Variants in ADK observed in about 807,000 individuals in gnomAD.
ADK encodes the protein N6,N6-dimethyladenosine kinase.
Under a neutral mutation model 44.7 loss-of-function variants are expected in ADK, and 24 were observed. The ratio of observed to expected loss-of-function variants is 0.54; its 90% confidence interval spans 0.39 to 0.76. The LOEUF is 0.76. Ranked by LOEUF, ADK falls within the 30% of genes least tolerant of loss-of-function variation. The pLI is 0.00. For missense variants in ADK, 321 were observed against 425.1 expected (o/e 0.76, Z 2.15); for synonymous variants, 128 against 142.6 (o/e 0.90, Z 0.73).
At chr10:74,170,142 GT>G (rs1200038440) in intron 1 of ADK, among the ~76,000 whole-genome samples, 1 of 152,056 alleles carries the variant, frequency 6.6e-6, no homozygotes, top group African/African-American at 2.4e-5. Flanking sequence ...TTAAATGAGG[GT>G]TTGTATTTTT....
intron 9 of ADK, among the ~76,000 whole-genome samples, chr10:74,661,893 GAAGAT>G (rs1854745599): frequency 1.3e-5 from 2 of 152,174 alleles, no homozygotes; most frequent in African/African-American, 4.8e-5. Context: ...AGCTCCTTGA[GAAGAT>G]AGATCATGTC....
At chr10:74,679,873 G>A (rs920191989) in intron 10 of ADK, among the ~76,000 whole-genome samples, 3 of 152,016 alleles carry the variant, frequency 2.0e-5, no homozygotes, top group African/African-American at 4.8e-5. Context: ...CTGGAGAATC[G>A]CTTGAACCCA....
intron 7 of ADK, among the ~76,000 whole-genome samples, chr10:74,585,385 A>G (rs1351701389): frequency 1.3e-5 from 2 of 152,228 alleles, no homozygotes; most frequent in Non-Finnish European, 2.9e-5. Context: ...ATGATACTGT[A>G]TTATAGCATA....
At chr10:74,637,775 C>T (rs1853667162) in intron 9 of ADK, among the ~76,000 whole-genome samples, 1 of 152,184 alleles carries the variant, frequency 6.6e-6, no homozygotes, top group Non-Finnish European at 1.5e-5. Context: ...AACCTTGAGA[C>T]TGCTGAGTCT....
At chr10:74,619,473 G>A (rs1234310637) in intron 9 of ADK, among the ~76,000 whole-genome samples, 3 of 151,612 alleles carry the variant, frequency 2.0e-5, no homozygotes, top group Non-Finnish European at 4.4e-5. Flanking sequence ...AAAAAATCTA[G>A]TGGATGCTTT....
Position 74,620,021 on chromosome 10 carries a change from C to T in ADK, c.877+19528C>T, listed in dbSNP as rs961721543. 2.6e-5 allele frequency among the ~76,000 whole-genome samples: 4 copies of T among 152,110 alleles called. No homozygotes were observed. The East Asian group carries it at 7.7e-4, about 29-fold the overall frequency. On this transcript the variant is annotated intron_variant, in intron 9 of 10. Coordinates refer to ENST00000539909, the MANE Select transcript of ADK (RefSeq NM_006721.4). ...ATGGGCGTGAGCCACAACACCCTGCCCATCGTGATGTTTTGATACATATAA... is the reference window on the plus strand; with the variant it reads ...ATGGGCGTGAGCCACAACACCCTGCTCATCGTGATGTTTTGATACATATAA...
rs148255963 is a variant in ADK at position 74,426,220 on chromosome 10, A to G, written c.555+27641A>G. On this transcript the variant is annotated intron_variant, in intron 6 of 10. Coordinates refer to ENST00000539909, the MANE Select transcript of ADK (RefSeq NM_006721.4). ...ATTCCTTTAAAACAGCCCCCATTAT[A>G]TATGAGACTAAACATAAAATGCTGC... Among the ~76,000 whole-genome samples the G allele has an allele frequency of 4.2e-3, 642 of 152,288 alleles. 5 individuals are homozygous for G. The highest frequency in any genetic ancestry group is 0.015 in the African/African-American group (621 of 41,554).
chr10:74,257,204 GT>G (rs5786141), intron 3 of ADK, among the ~76,000 whole-genome samples: 111,899 of 152,004 alleles, frequency 0.74, 41,887 homozygotes, highest in Middle Eastern at 0.85. Context: ...CTACAAATAT[GT>G]TAAGTCCCAC....
At chr10:74,697,260 C>T (rs758233016) in intron 10 of ADK, among the ~76,000 whole-genome samples, 14 of 152,054 alleles carry the variant, frequency 9.2e-5, no homozygotes, top group African/African-American at 2.7e-4. Context: ...CTATTCTGGC[C>T]GGGCACAGTG....
chr10:74,330,563 G>A (rs759393338), intron 4 of ADK, among the ~76,000 whole-genome samples: 2 of 152,082 alleles, frequency 1.3e-5, no homozygotes, highest in Non-Finnish European at 2.9e-5. Flanking sequence ...ATGTAATGAT[G>A]GTGTGCTATT....
intron 1 of ADK, among the ~76,000 whole-genome samples, chr10:74,175,429 G>C (rs1255356669): frequency 6.6e-6 from 1 of 150,980 alleles, no homozygotes; most frequent in African/African-American, 2.4e-5. Context: ...ATTGTGTTTA[G>C]TGGAAAAATA....
Position 74,642,169 on chromosome 10 carries a change from A to T in ADK, c.878-28014A>T, listed in dbSNP as rs1375722966. ...AACTTAAATGTCATACTCTCTACTA[A>T]TATTTTTGTTTGGAATATATAGTTA... On this transcript the variant is annotated intron_variant, in intron 9 of 10. Transcript: ENST00000539909. Among the ~76,000 whole-genome samples the T allele has an allele frequency of 3.3e-5, 5 of 152,190 alleles. No individual in the cohort carries two copies. The South Asian group carries it at 1.0e-3, about 32-fold the overall frequency.
At chr10:74,457,899 G>A (rs1846013877) in intron 6 of ADK, among the ~76,000 whole-genome samples, 1 of 152,080 alleles carries the variant, frequency 6.6e-6, no homozygotes, top group African/African-American at 2.4e-5. Context: ...GATAGCATTA[G>A]GAGAAATACC....
chr10:74,671,540 G>A (rs1392102751), intron 10 of ADK, among the ~76,000 whole-genome samples: 2 of 152,032 alleles, frequency 1.3e-5, no homozygotes, highest in African/African-American at 2.4e-5. Flanking sequence ...TTCCTTGCTC[G>A]GAAAGTCTTC....
chr10:74,523,764 T>A (rs1848930253), intron 6 of ADK, among the ~76,000 whole-genome samples: 1 of 152,248 alleles, frequency 6.6e-6, no homozygotes, highest in Non-Finnish European at 1.5e-5. Context: ...ATCTTTTGAC[T>A]CTTTTCTTCT....
chr10:74,646,169 G>A (rs1854047991), intron 9 of ADK, among the ~76,000 whole-genome samples: 1 of 152,192 alleles, frequency 6.6e-6, no homozygotes. Context: ...AGTGGTCTGA[G>A]TTTAATTTGA....
intron 6 of ADK, among the ~76,000 whole-genome samples, chr10:74,424,572 C>T (rs1844721594): frequency 7.0e-6 from 1 of 142,398 alleles, no homozygotes; most frequent in African/African-American, 2.9e-5. Context: ...AAAAAAATTC[C>T]CCTGCCTCTC....
chr10:74,603,798 T>A (rs1003043951), intron 9 of ADK, among the ~76,000 whole-genome samples: 1 of 152,202 alleles, frequency 6.6e-6, no homozygotes, highest in African/African-American at 2.4e-5. Context: ...TGGTATTTCC[T>A]GTTCTAGATC....
At chr10:74,378,099 T>C (rs1337222523) in intron 4 of ADK, among the ~76,000 whole-genome samples, 1 of 151,816 alleles carries the variant, frequency 6.6e-6, no homozygotes, top group African/African-American at 2.4e-5. Flanking sequence ...GTCTACCTCA[T>C]AGGTTTATAA....
Sources: gnomAD v4.1 joint callset for allele counts (sites outside exome capture counted in the v4.1 genomes callset) on GRCh38, gnomAD v4.1.1 for gene constraint, MANE v1.5 for transcripts, NCBI Gene and HGNC (gene_info 2026-07-23, HGNC 2026-07-21) for gene names.